KHDRBS3: variants seen among roughly 807,000 people sequenced by gnomAD.
The protein encoded by KHDRBS3 is KH domain-containing, RNA-binding, signal transduction-associated protein 3.
A neutral mutation model predicts 45.6 loss-of-function variants in KHDRBS3; 23 were observed. The observed-to-expected ratio is 0.50, with a 90% CI of 0.36 to 0.72. The LOEUF (loss-of-function observed/expected upper bound fraction) is 0.72. KHDRBS3 is among the 30% of genes least tolerant of loss of function. The pLI is 0.00. For synonymous variants in KHDRBS3, 162 were observed against 156.5 expected, an observed-to-expected ratio of 1.04 and a Z score of -0.26; for missense variants, 352 against 424.8, an observed-to-expected ratio of 0.83 and a Z score of 1.51.
chr8:135,651,932 A>T (rs903176291), downstream of KHDRBS3, among the ~76,000 whole-genome samples: 29 of 152,306 alleles, frequency 1.9e-4, no homozygotes, highest in Middle Eastern at 3.4e-3. Flanking sequence ...TTAACTCAAA[A>T]TGAAAGACTC....
chr8:135,486,273 T>G (rs1308130690), intron 1 of KHDRBS3, among the ~76,000 whole-genome samples: 2 of 152,224 alleles, frequency 1.3e-5, no homozygotes, highest in South Asian at 2.1e-4. Context: ...GGTTTTTGTA[T>G]TACTCACTTT....
At chr8:135,599,130 G>A (rs1264942106) in intron 6 of KHDRBS3, among the ~76,000 whole-genome samples, 5 of 152,162 alleles carry the variant, frequency 3.3e-5, no homozygotes, top group Non-Finnish European at 5.9e-5. Context: ...TTTATAGGTC[G>A]GGAATGACAA....
intron 7 of KHDRBS3, among the ~76,000 whole-genome samples, chr8:135,608,359 A>G (rs889549815): frequency 3.9e-5 from 6 of 152,222 alleles, no homozygotes; most frequent in African/African-American, 1.4e-4. Context: ...TAGCAAAGCA[A>G]GTCTCCCATC....
At chr8:135,487,220 A>G (rs555073891) in intron 1 of KHDRBS3, among the ~76,000 whole-genome samples, 2 of 152,216 alleles carry the variant, frequency 1.3e-5, no homozygotes, top group South Asian at 2.1e-4. Flanking sequence ...TAACAGCTCA[A>G]TAAATGAAAG....
At chr8:135,596,958 C>T (rs1828999513) in intron 6 of KHDRBS3, among the ~76,000 whole-genome samples, 1 of 152,188 alleles carries the variant, frequency 6.6e-6, no homozygotes, top group Admixed American at 6.5e-5. Context: ...ACCTCTCTCC[C>T]AGCTCACTTC....
At chr8:135,506,214 T>C (rs1272706964) in intron 1 of KHDRBS3, among the ~76,000 whole-genome samples, 1 of 152,088 alleles carries the variant, frequency 6.6e-6, no homozygotes, top group Non-Finnish European at 1.5e-5. Flanking sequence ...TCAACAAAAA[T>C]TTCAGAATGT....
At chr8:135,649,990 G>A (rs1831395625), downstream of KHDRBS3, among the ~76,000 whole-genome samples, 1 of 151,876 alleles carries the variant, frequency 6.6e-6, no homozygotes, top group Non-Finnish European at 1.5e-5. Context: ...CTATTTCCAT[G>A]GGAAGACCCT....
chr8:135,569,714 T>C (rs1827608578), intron 5 of KHDRBS3, among the ~76,000 whole-genome samples: 2 of 152,178 alleles, frequency 1.3e-5, no homozygotes, highest in Non-Finnish European at 2.9e-5. Context: ...TACTGTTCCA[T>C]TCCCACTGCC....
chr8:135,485,626 C>T (rs1394993047), intron 1 of KHDRBS3, among the ~76,000 whole-genome samples: 1 of 151,700 alleles, frequency 6.6e-6, no homozygotes, highest in Non-Finnish European at 1.5e-5. Flanking sequence ...GTTTATTTTT[C>T]TGTGTGAAGT....
chr8:135,496,708 C>T (rs1823468056), intron 1 of KHDRBS3, among the ~76,000 whole-genome samples: 1 of 152,158 alleles, frequency 6.6e-6, no homozygotes, highest in South Asian at 2.1e-4. Flanking sequence ...GATCAACTAC[C>T]TCAAACAAAG....
chr8:135,645,939 T>C lies in KHDRBS3; in HGVS notation c.949+822T>C, dbSNP rs75534564. Among the ~76,000 whole-genome samples, 18 of 151,822 alleles carry C rather than the reference T, an allele frequency of 1.2e-4. No individual in the cohort carries two copies. The East Asian group carries it at 3.5e-3, about 30-fold the overall frequency. ...AACCATTTTCCGGCGTTAAACCTTT[T>C]GAAGTGCATTTTGTTGTATCACCTG... On this transcript the variant is annotated intron_variant, in intron 8 of 8. Transcript: ENST00000355849.
intron 7 of KHDRBS3, among the ~76,000 whole-genome samples, chr8:135,615,173 A>C (rs1368711476): frequency 2.0e-5 from 3 of 151,572 alleles, no homozygotes; most frequent in Non-Finnish European, 4.4e-5. Context: ...TTAAAACTGG[A>C]TTTTACAAGG....
intron 5 of KHDRBS3, among the ~76,000 whole-genome samples, chr8:135,562,622 A>T (rs1023239686): frequency 6.6e-6 from 1 of 152,230 alleles, no homozygotes; most frequent in African/African-American, 2.4e-5. Context: ...AACTAAGGTA[A>T]ATATAAATTG....
intron 7 of KHDRBS3, among the ~76,000 whole-genome samples, chr8:135,622,033 A>G (rs1312138378): frequency 5.3e-5 from 8 of 152,102 alleles, no homozygotes; most frequent in African/African-American, 1.4e-4. Flanking sequence ...CTCCTGAGCT[A>G]TCATGTCTCC....
intron 4 of KHDRBS3, among the ~76,000 whole-genome samples, chr8:135,551,745 A>G (rs1157969173): frequency 1.3e-5 from 2 of 152,008 alleles, no homozygotes; most frequent in Non-Finnish European, 1.5e-5. Flanking sequence ...ATTAACTTAT[A>G]CTATTTTGGG....
chr8:135,639,181 GT>G (rs1830951963), intron 7 of KHDRBS3, among the ~76,000 whole-genome samples: 3 of 152,170 alleles, frequency 2.0e-5, no homozygotes, highest in Admixed American at 2.0e-4. Flanking sequence ...GGGATGAAAA[GT>G]TTAAGAGGAG....
chr8:135,638,776 T>C (rs1830925302), intron 7 of KHDRBS3, among the ~76,000 whole-genome samples: 1 of 152,004 alleles, frequency 6.6e-6, no homozygotes, highest in Non-Finnish European at 1.5e-5. Context: ...GGTGAAACCC[T>C]GTCTCTACTA....
chr8:135,606,081 C>T (rs1241468415), intron 6 of KHDRBS3, among the ~76,000 whole-genome samples: 1 of 151,990 alleles, frequency 6.6e-6, no homozygotes, highest in African/African-American at 2.4e-5. Context: ...GTTTACTAGT[C>T]AGCTAATGAT....
chr8:135,501,257 T>C lies in KHDRBS3; in HGVS notation c.89-19980T>C, dbSNP rs72732355. Among the ~76,000 whole-genome samples, 401 of 152,344 alleles carry C rather than the reference T, an allele frequency of 2.6e-3. 3 individuals carry two copies. Among genetic ancestry groups the C allele is most frequent in the Non-Finnish European group, 4.7e-3 (323 of 68,024 alleles). ...TCTTTTTCTTTATTCTGTTATGTTTTCTTAGAATTTAAGGTCTTCAGACAT... is the reference window on the plus strand; with the variant it reads ...TCTTTTTCTTTATTCTGTTATGTTTCCTTAGAATTTAAGGTCTTCAGACAT... On this transcript the variant is annotated intron_variant, in intron 1 of 8. Coordinates refer to ENST00000355849, the MANE Select transcript of KHDRBS3 (RefSeq NM_006558.3).
Sources: allele counts gnomAD v4.1 joint callset (sites outside exome capture counted in the v4.1 genomes callset), GRCh38; gene constraint gnomAD v4.1.1; transcripts MANE v1.5; gene names NCBI Gene and HGNC (gene_info 2026-07-23, HGNC 2026-07-21).